The following PKHD1 variants were observed in gnomAD, a reference collection of about 807,000 sequenced individuals.
The protein encoded by PKHD1 is fibrocystin.
In PKHD1, 291 loss-of-function variants were observed where a neutral mutation model predicts 412.0. The ratio of observed to expected loss-of-function variants is 0.71; its 90% confidence interval spans 0.64 to 0.78. The LOEUF (loss-of-function observed/expected upper bound fraction) is 0.78, where lower values mean the gene tolerates loss of function less well. PKHD1 is among the 30% of genes least tolerant of loss of function. The pLI, the probability that PKHD1 is intolerant of heterozygous loss-of-function variation, is 0.00. For synonymous variants in PKHD1, 1,777 were observed against 1,821.5 expected (o/e 0.98, Z 0.62); for missense variants, 4,825 against 4,950.7 (o/e 0.97, Z 0.76).
At chr6:51,714,153 C>T (rs887432908) in intron 60 of PKHD1, among the ~76,000 whole-genome samples, 3 of 152,054 alleles carry the variant, frequency 2.0e-5, no homozygotes, top group Admixed American at 6.5e-5. Context: ...GGGCGAATCA[C>T]GAGATCAGGA....
chr6:52,028,060 A>T, intron 30 of PKHD1, 96 bp downstream of exon 30: 1 of 1,348,130 alleles, frequency 7.4e-7, no homozygotes. Context: ...TCTAACTTCC[A>T]AGGGAAAAAG....
chr6:51,946,335 C>A, intron 36 of PKHD1, among the ~76,000 whole-genome samples: 1 of 152,148 alleles, frequency 6.6e-6, no homozygotes, highest in East Asian at 1.9e-4. Context: ...AATCTAGGTA[C>A]ATTTAGAAGA....
intron 50 of PKHD1, among the ~76,000 whole-genome samples, chr6:51,839,185 T>C (rs566137634): frequency 1.3e-5 from 2 of 152,304 alleles, no homozygotes; most frequent in African/African-American, 2.4e-5. Flanking sequence ...TTTGAATAAA[T>C]ACAAAGAGGG....
At chr6:51,961,504 A>G (rs1792025420) in intron 35 of PKHD1, among the ~76,000 whole-genome samples, 1 of 152,144 alleles carries the variant, frequency 6.6e-6, no homozygotes, top group Non-Finnish European at 1.5e-5. Flanking sequence ...CAGTATCTGT[A>G]GGCTACAAAA....
intron 35 of PKHD1, among the ~76,000 whole-genome samples, chr6:51,979,705 T>G (rs1183977751): frequency 6.6e-6 from 1 of 152,104 alleles, no homozygotes; most frequent in Non-Finnish European, 1.5e-5. Flanking sequence ...AATAAGTATC[T>G]AATCCTCTAC....
At chr6:52,002,773 A>G (rs1798595065) in intron 35 of PKHD1, among the ~76,000 whole-genome samples, 1 of 152,246 alleles carries the variant, frequency 6.6e-6, no homozygotes, top group South Asian at 2.1e-4. Flanking sequence ...AACAAAATTA[A>G]TTAGGGAATA....
At chr6:51,971,252 G>A (rs1202087196) in intron 35 of PKHD1, among the ~76,000 whole-genome samples, 2 of 152,172 alleles carry the variant, frequency 1.3e-5, no homozygotes, top group African/African-American at 4.8e-5. Flanking sequence ...GTGGTCATTT[G>A]TTATGCAGCA....
At chr6:52,072,043 GAA>G in intron 8 of PKHD1, 70 bp downstream of exon 8, 1 of 857,916 alleles carries the variant, frequency 1.2e-6, no homozygotes, top group South Asian at 1.3e-5. Flanking sequence ...GAAAGAGAGA[GAA>G]TGTGTGTGTG....
intron 60 of PKHD1, chr6:51,739,873 G>A: frequency 2.7e-6 from 1 of 374,888 alleles, no homozygotes; most frequent in South Asian, 2.1e-5. Flanking sequence ...CACTGCTGGT[G>A]CCCCACATGT....
At position 51,950,220 on chromosome 6, in the gene PKHD1, A is replaced by AAATATATATATATATATATAT; in HGVS notation, c.5908+9649_5908+9650insATATATATATATATATATATT. ...AATGGGCAATATAGAGAAAAAAAAA[A>AAATATATATATATATATATAT]ATATATATATATATATATATGAAAT... On this transcript the variant is annotated intron_variant, in intron 36 of 66. Coordinates refer to ENST00000371117, the MANE Select transcript of PKHD1 (RefSeq NM_138694.4). Among the ~76,000 whole-genome samples, 138 of 98,266 alleles carry AAATATATATATATATATATAT rather than the reference A, an allele frequency of 1.4e-3. 1 individual carries two copies. The highest frequency in any genetic ancestry group is 4.5e-3 in the African/African-American group (119 of 26,456). 64.5% of individuals were successfully genotyped at this position (98,266 alleles called of 152,430 possible). A position where few individuals can be genotyped will look rare whatever the true frequency, so the allele number is the denominator to read the frequency against.
intron 36 of PKHD1, among the ~76,000 whole-genome samples, chr6:51,955,177 T>C (rs1363038242): frequency 6.6e-6 from 1 of 151,186 alleles, no homozygotes; most frequent in African/African-American, 2.4e-5. Context: ...CTTTTGTGTT[T>C]AACGGTGCCC....
At chr6:51,625,803 G>A (rs1767154256) in intron 66 of PKHD1, among the ~76,000 whole-genome samples, 1 of 152,270 alleles carries the variant, frequency 6.6e-6, no homozygotes, top group Admixed American at 6.5e-5. Context: ...AGATGGCAGC[G>A]TTCAAACACC....
At chr6:51,645,243 C>T (rs897545883) in intron 63 of PKHD1, among the ~76,000 whole-genome samples, 3 of 152,156 alleles carry the variant, frequency 2.0e-5, no homozygotes, top group Non-Finnish European at 4.4e-5. Flanking sequence ...AGATTTCCTA[C>T]TTATTCCCCT....
chr6:51,972,800 AT>A (rs1793865283), intron 35 of PKHD1, among the ~76,000 whole-genome samples: 2 of 152,188 alleles, frequency 1.3e-5, no homozygotes, highest in Admixed American at 1.3e-4. Context: ...GCAATGAATC[AT>A]TTACTGACTT....
chr6:51,707,614 C>T (rs568817701), intron 60 of PKHD1, among the ~76,000 whole-genome samples: 1 of 152,118 alleles, frequency 6.6e-6, no homozygotes, highest in Non-Finnish European at 1.5e-5. Flanking sequence ...ACTTGCTAGA[C>T]TTCTTGGTAA....
chr6:51,643,228 T>C (rs1376125978), intron 63 of PKHD1, among the ~76,000 whole-genome samples: 1 of 152,132 alleles, frequency 6.6e-6, no homozygotes, highest in East Asian at 1.9e-4. Flanking sequence ...TTCTGAATCT[T>C]TCATCTTCAC....
intron 50 of PKHD1, among the ~76,000 whole-genome samples, chr6:51,840,601 C>T (rs550978031): frequency 3.9e-5 from 6 of 152,290 alleles, no homozygotes; most frequent in African/African-American, 1.2e-4. Flanking sequence ...CAGACCTACA[C>T]AGCCTGAATC....
At chr6:51,785,286 T>A (rs980717394) in intron 53 of PKHD1, among the ~76,000 whole-genome samples, 1 of 152,190 alleles carries the variant, frequency 6.6e-6, no homozygotes, top group Non-Finnish European at 1.5e-5. Flanking sequence ...AACCAGTTAT[T>A]CATGAAAGCA....
chr6:51,620,133 T>C (rs894279851), intron 66 of PKHD1, among the ~76,000 whole-genome samples: 2 of 152,222 alleles, frequency 1.3e-5, no homozygotes, highest in Non-Finnish European at 2.9e-5. Context: ...TTCATGACTT[T>C]CATCCTTTCA....
Sources: gnomAD v4.1 joint callset for allele counts (sites outside exome capture counted in the v4.1 genomes callset) on GRCh38, gnomAD v4.1.1 for gene constraint, MANE v1.5 for transcripts, NCBI Gene and HGNC (gene_info 2026-07-23, HGNC 2026-07-21) for gene names.